Variants in CSMD1 observed in about 807,000 individuals in gnomAD.
The protein encoded by CSMD1 is CUB and Sushi multiple domains 1.
Under a neutral mutation model 417.5 loss-of-function variants are expected in CSMD1, and 213 were observed. That is an observed-to-expected ratio of 0.51 (90% CI 0.46 to 0.57). CSMD1 has a LOEUF of 0.57. Ranked by LOEUF, CSMD1 falls within the 20% of genes least tolerant of loss-of-function variation. The pLI is 0.00. For missense variants in CSMD1, 6,923 were observed against 4,529.7 expected, an observed-to-expected ratio of 1.53 and a Z score of -15.17; for synonymous variants, 2,862 against 1,736.8, an observed-to-expected ratio of 1.65 and a Z score of -16.11.
At chr8:4,931,665 A>G (rs1408475260) in intron 1 of CSMD1, among the ~76,000 whole-genome samples, 2 of 152,176 alleles carry the variant, frequency 1.3e-5, no homozygotes, top group Non-Finnish European at 1.5e-5. Context: ...TTAGATACCT[A>G]TTTGTGTTTA....
chr8:3,874,780 T>C (rs182070231), intron 5 of CSMD1, among the ~76,000 whole-genome samples: 134 of 152,164 alleles, frequency 8.8e-4, no homozygotes, highest in African/African-American at 3.1e-3. Flanking sequence ...GGACAGGGTT[T>C]GGAAGGAGAT....
intron 23 of CSMD1, among the ~76,000 whole-genome samples, chr8:3,321,078 C>T (rs147972878): frequency 8.9e-4 from 136 of 152,278 alleles, no homozygotes; most frequent in Non-Finnish European, 1.5e-3. Context: ...TCCACCTTTG[C>T]CTCCCTTCTT....
intron 1 of CSMD1, among the ~76,000 whole-genome samples, chr8:4,817,016 G>A (rs1799245989): frequency 6.6e-6 from 1 of 152,134 alleles, no homozygotes; most frequent in South Asian, 2.1e-4. Context: ...GGGCTCAGAG[G>A]CTCCTGGCAG....
intron 11 of CSMD1, among the ~76,000 whole-genome samples, chr8:3,482,122 A>T (rs1253129734): frequency 1.3e-5 from 2 of 152,244 alleles, no homozygotes; most frequent in Admixed American, 6.5e-5. Flanking sequence ...AAGCAGTAAA[A>T]GGGGAATGAG....
At chr8:3,080,395 A>C (rs1359325669) in intron 49 of CSMD1, among the ~76,000 whole-genome samples, 1 of 152,250 alleles carries the variant, frequency 6.6e-6, no homozygotes, top group Non-Finnish European at 1.5e-5. Context: ...ATCAAGGTCG[A>C]TAAGAACCAA....
intron 3 of CSMD1, among the ~76,000 whole-genome samples, chr8:4,065,193 C>G (rs1452134580): frequency 6.6e-6 from 1 of 152,140 alleles, no homozygotes; most frequent in South Asian, 2.1e-4. Flanking sequence ...ACAAACCATT[C>G]ATAACTTCTT....
In CSMD1 at chr8:3,574,680, A is replaced by T. The variant is rs140069848; in HGVS notation, c.1344+265T>A. ...ACCTGAGTTGAAAAAGACATAAGAG[A>T]AAGCACTATGATACATAAAGGAGGA... is the stretch of plus-strand genomic sequence containing the variant. On this transcript the variant is annotated intron_variant, in intron 10 of 69. Coordinates refer to ENST00000635120, the MANE Select transcript of CSMD1 (RefSeq NM_033225.6). 2.8e-3 allele frequency among the ~76,000 whole-genome samples: 430 copies of T among 152,344 alleles called. 4 individuals are homozygous for T. Among genetic ancestry groups the T allele is most frequent in the African/African-American group, 1.0e-2 (415 of 41,578 alleles).
chr8:4,258,131 G>C (rs189141444), intron 3 of CSMD1, among the ~76,000 whole-genome samples: 2 of 150,852 alleles, frequency 1.3e-5, no homozygotes, highest in Non-Finnish European at 2.9e-5. Context: ...TTTTAGTAGA[G>C]ATGAGGTCTC....
At chr8:3,840,669 C>A (rs1351815999) in intron 5 of CSMD1, among the ~76,000 whole-genome samples, 1 of 150,750 alleles carries the variant, frequency 6.6e-6, no homozygotes, top group East Asian at 1.9e-4. Flanking sequence ...GGTCACTATA[C>A]AGTGACCTCA....
chr8:4,084,524 T>A (rs1252897257), intron 3 of CSMD1, among the ~76,000 whole-genome samples: 1 of 152,210 alleles, frequency 6.6e-6, no homozygotes, highest in Non-Finnish European at 1.5e-5. Context: ...TTATTTTTCC[T>A]TACTTCCTCA....
intron 3 of CSMD1, among the ~76,000 whole-genome samples, chr8:4,068,237 G>C (rs767665789): frequency 3.3e-5 from 5 of 152,144 alleles, no homozygotes; most frequent in Admixed American, 6.5e-5. Context: ...AAGAAAATGA[G>C]GAGAACCCCT....
chr8:3,323,160 C>T (rs1806267016), intron 23 of CSMD1, among the ~76,000 whole-genome samples: 1 of 152,106 alleles, frequency 6.6e-6, no homozygotes, highest in African/African-American at 2.4e-5. Context: ...TGTATGATGT[C>T]CAATGGGCAA....
intron 10 of CSMD1, among the ~76,000 whole-genome samples, chr8:3,539,614 C>G (rs967008381): frequency 1.3e-5 from 2 of 152,124 alleles, no homozygotes; most frequent in South Asian, 2.1e-4. Flanking sequence ...CTCTGCCCCT[C>G]TAAATCCCAG....
At chr8:3,913,618 T>C (rs939291714) in intron 5 of CSMD1, among the ~76,000 whole-genome samples, 6 of 152,122 alleles carry the variant, frequency 3.9e-5, no homozygotes, top group African/African-American at 1.2e-4. Flanking sequence ...AGAATGTACT[T>C]AGGGAAGTGG....
At chr8:3,376,649 T>A (rs1240506571) in intron 18 of CSMD1, among the ~76,000 whole-genome samples, 1 of 152,236 alleles carries the variant, frequency 6.6e-6, no homozygotes, top group East Asian at 1.9e-4. Context: ...TTCACAAAAT[T>A]AGAGGACAAT....
intron 3 of CSMD1, among the ~76,000 whole-genome samples, chr8:4,093,680 G>A (rs1347996206): frequency 3.3e-5 from 5 of 152,184 alleles, no homozygotes; most frequent in Non-Finnish European, 7.4e-5. Flanking sequence ...CAACAGAACG[G>A]CCGGGTGCAG....
chr8:3,669,868 G>A (rs1461849531), intron 7 of CSMD1, among the ~76,000 whole-genome samples: 1 of 152,146 alleles, frequency 6.6e-6, no homozygotes, highest in Admixed American at 6.5e-5. Flanking sequence ...AGGGGCCCAG[G>A]TGATGATCAA....
intron 1 of CSMD1, among the ~76,000 whole-genome samples, chr8:4,653,342 G>A (rs371041725): frequency 6.6e-6 from 1 of 152,114 alleles, no homozygotes; most frequent in South Asian, 2.1e-4. Flanking sequence ...GTAGACTCAA[G>A]TAGGTCATGG....
In CSMD1 at chr8:2,974,606, G is replaced by C. The variant is rs1401943170; in HGVS notation, c.8585C>G (p.Pro2862Arg). 2 of 1,607,644 alleles carry C rather than the reference G, an allele frequency of 1.2e-6. No individual in the cohort carries two copies. The highest frequency in any genetic ancestry group is 2.7e-5 in the African/African-American group (2 of 74,764). ...GAGGACGGCGTTGGCAGGGACCCCT[G>C]GGTGTCCACACGATATAGCTTCAGA... is the stretch of plus-strand genomic sequence containing the variant. ...PKCLAISCGHPGVPANAVLTG... is the reference protein window; with the variant it reads ...PKCLAISCGHRGVPANAVLTG... Residue 2862 changes from proline to arginine, a missense_variant, in exon 56 of 70, where the codon CCA (proline) becomes CGA (arginine). Pro to Arg is a moderately radical substitution (Grantham distance 103). Transcript: ENST00000635120.
Sources: allele counts gnomAD v4.1 joint callset (sites outside exome capture counted in the v4.1 genomes callset), GRCh38; gene constraint gnomAD v4.1.1; transcripts MANE v1.5; gene names NCBI Gene and HGNC (gene_info 2026-07-23, HGNC 2026-07-21).